Variants in ERBB4 observed in about 807,000 individuals in gnomAD.
ERBB4 encodes the protein receptor tyrosine-protein kinase erbB-4.
In ERBB4, 42 loss-of-function variants were observed where a neutral mutation model predicts 158.0. That is an observed-to-expected ratio of 0.27 (90% CI 0.21 to 0.34). The LOEUF (loss-of-function observed/expected upper bound fraction) is 0.34. Ranked by LOEUF, ERBB4 falls within the 10% of genes least tolerant of loss-of-function variation. ERBB4 has a pLI of 1.00. For missense variants in ERBB4, 1,333 were observed against 1,624.1 expected (o/e 0.82, Z 3.08); for synonymous variants, 583 against 558.7 (o/e 1.04, Z -0.61).
intron 4 of ERBB4, among the ~76,000 whole-genome samples, chr2:211,763,914 A>ACACACACACACAC (rs1553627661): frequency 2.0e-5 from 3 of 152,010 alleles, no homozygotes; most frequent in Admixed American, 6.6e-5. Flanking sequence ...ACACACACAC[A>ACACACACACACAC]AATATATGTA....
intron 2 of ERBB4, among the ~76,000 whole-genome samples, chr2:211,975,576 C>T (rs994259107): frequency 6.6e-6 from 1 of 152,072 alleles, no homozygotes; most frequent in East Asian, 1.9e-4. Flanking sequence ...TTACACTCGG[C>T]GAACTTAGTT....
intron 1 of ERBB4, among the ~76,000 whole-genome samples, chr2:212,405,027 C>T (rs190766042): frequency 1.3e-5 from 2 of 151,986 alleles, no homozygotes; most frequent in African/African-American, 4.8e-5. Context: ...ATATATGTAC[C>T]ACATTTTCTT....
intron 22 of ERBB4, among the ~76,000 whole-genome samples, chr2:211,427,402 C>G (rs1358712231): frequency 2.6e-5 from 4 of 152,022 alleles, no homozygotes; most frequent in Admixed American, 1.3e-4. Context: ...TTGACTCCTT[C>G]TTGGTATTAC....
At chr2:211,771,789 A>G (rs980432033) in intron 4 of ERBB4, among the ~76,000 whole-genome samples, 4 of 152,088 alleles carry the variant, frequency 2.6e-5, no homozygotes, top group African/African-American at 9.7e-5. Flanking sequence ...CATACCATGC[A>G]TGAGGTGCTG....
chr2:212,008,214 T>G (rs936603773), intron 2 of ERBB4, among the ~76,000 whole-genome samples: 3 of 151,968 alleles, frequency 2.0e-5, no homozygotes, highest in Non-Finnish European at 2.9e-5. Flanking sequence ...TACAGGGGGG[T>G]TTTACACATT....
chr2:212,241,417 G>A (rs556531086), intron 1 of ERBB4, among the ~76,000 whole-genome samples: 1 of 152,164 alleles, frequency 6.6e-6, no homozygotes, highest in African/African-American at 2.4e-5. Flanking sequence ...GCATGTATAT[G>A]AAACAGGTCC....
intron 1 of ERBB4, among the ~76,000 whole-genome samples, chr2:212,469,346 T>G (rs1451554349): frequency 6.6e-6 from 1 of 152,196 alleles, no homozygotes; most frequent in Non-Finnish European, 1.5e-5. Context: ...AAAACATAGT[T>G]TTATAAGATT....
At chr2:211,484,124 A>C (rs1574581309) in intron 20 of ERBB4, among the ~76,000 whole-genome samples, 1 of 152,212 alleles carries the variant, frequency 6.6e-6, no homozygotes, top group Non-Finnish European at 1.5e-5. Flanking sequence ...AATTAAAGGC[A>C]CAAACCCTAA....
chr2:212,454,270 G>A (rs1388711241), intron 1 of ERBB4, among the ~76,000 whole-genome samples: 1 of 152,112 alleles, frequency 6.6e-6, no homozygotes, highest in East Asian at 1.9e-4. Flanking sequence ...TTACTGTGGT[G>A]ACGCACTAGG....
chr2:212,317,317 A>G (rs2087335666), intron 1 of ERBB4, among the ~76,000 whole-genome samples: 1 of 151,548 alleles, frequency 6.6e-6, no homozygotes. Flanking sequence ...CTTTTACCCC[A>G]AGATATTACA....
chr2:211,876,848 G>A (rs886828066), intron 3 of ERBB4, among the ~76,000 whole-genome samples: 8 of 151,896 alleles, frequency 5.3e-5, no homozygotes, highest in Admixed American at 5.3e-4. Flanking sequence ...TTTTTATCAT[G>A]CCAAAACAAA....
chr2:212,070,075 G>A (rs2078067529), intron 2 of ERBB4, among the ~76,000 whole-genome samples: 2 of 151,992 alleles, frequency 1.3e-5, no homozygotes, highest in Admixed American at 1.3e-4. Context: ...AGCTACGACT[G>A]TACCACTGTA....
chr2:212,118,681 G>A (rs936476215), intron 2 of ERBB4, among the ~76,000 whole-genome samples: 1 of 151,412 alleles, frequency 6.6e-6, no homozygotes, highest in Non-Finnish European at 1.5e-5. Context: ...CTCTGGTAGA[G>A]AAAAATAAAC....
chr2:212,041,296 C>A (rs2125372930), intron 2 of ERBB4, among the ~76,000 whole-genome samples: 1 of 151,996 alleles, frequency 6.6e-6, no homozygotes, highest in South Asian at 2.1e-4. Context: ...TTTTCATAAT[C>A]TATCCAGAGG....
intron 1 of ERBB4, among the ~76,000 whole-genome samples, chr2:212,206,972 A>T (rs1220152670): frequency 2.0e-5 from 3 of 151,248 alleles, no homozygotes; most frequent in Non-Finnish European, 4.4e-5. Flanking sequence ...GACTGCAATT[A>T]ACCATGTTGG....
intron 3 of ERBB4, among the ~76,000 whole-genome samples, chr2:211,813,750 A>G (rs2076814376): frequency 6.6e-6 from 1 of 152,124 alleles, no homozygotes; most frequent in African/African-American, 2.4e-5. Context: ...CCTTTCAGAA[A>G]CCTTGCTACT....
At chr2:211,773,604 A>ATATATAT (rs2075772648) in intron 4 of ERBB4, among the ~76,000 whole-genome samples, 1 of 17,048 alleles carries the variant, frequency 5.9e-5, no homozygotes, top group African/African-American at 7.5e-4. Flanking sequence ...AACTTTATAT[A>ATATATAT]TATATATATA....
At chr2:211,833,863 A>G (rs1312223471) in intron 3 of ERBB4, among the ~76,000 whole-genome samples, 3 of 152,090 alleles carry the variant, frequency 2.0e-5, no homozygotes, top group Non-Finnish European at 4.4e-5. Flanking sequence ...GAAACTTTCT[A>G]GAAGAGTCCC....
At chr2:211,576,298 G>C (rs1408572350) in intron 19 of ERBB4, among the ~76,000 whole-genome samples, 1 of 152,118 alleles carries the variant, frequency 6.6e-6, no homozygotes, top group Non-Finnish European at 1.5e-5. Flanking sequence ...GTGGCAGTGG[G>C]AAAAGGAGTA....
Sources: allele counts gnomAD v4.1 joint callset (sites outside exome capture counted in the v4.1 genomes callset), GRCh38; gene constraint gnomAD v4.1.1; transcripts MANE v1.5; gene names NCBI Gene and HGNC (gene_info 2026-07-23, HGNC 2026-07-21).